Variants in RBFOX1 observed in about 807,000 individuals in gnomAD.
RBFOX1 encodes RNA binding protein fox-1 homolog 1.
A neutral mutation model predicts 57.7 loss-of-function variants in RBFOX1; 8 were observed. That is an observed-to-expected ratio of 0.14 (90% confidence interval 0.08 to 0.25). The LOEUF is 0.25. Among genes scored for constraint, RBFOX1 ranks in the 10% least tolerant of loss-of-function variants. The pLI, the probability that RBFOX1 is intolerant of heterozygous loss-of-function variation, is 1.00. For synonymous variants in RBFOX1, 326 were observed against 222.4 expected (o/e 1.47, Z -4.15); for missense variants, 611 against 548.5 (o/e 1.11, Z -1.14).
chr16:7,165,373 A>G (rs2079209857), intron 4 of RBFOX1, among the ~76,000 whole-genome samples: 1 of 95,056 alleles, frequency 1.1e-5, no homozygotes, highest in African/African-American at 4.0e-5. Flanking sequence ...AGAGGCCCAG[A>G]TCATAACTCT....
At chr16:5,297,170 A>C (rs2063690515) in intron 1 of RBFOX1, among the ~76,000 whole-genome samples, 1 of 152,172 alleles carries the variant, frequency 6.6e-6, no homozygotes, top group East Asian at 1.9e-4. Flanking sequence ...ATGGATACTT[A>C]GGTTGATGCC....
Position 6,393,493 on chromosome 16 carries a change from G to A in RBFOX1, c.-64+76436G>A, listed in dbSNP as rs950571478. On this transcript the variant is annotated intron_variant, in intron 2 of 15. Coordinates refer to ENST00000550418, the MANE Select transcript of RBFOX1 (RefSeq NM_018723.4). Reference sequence around the variant, plus strand: ...CTTTGCAAATTCTGATCCATGCATGGAACAGGAAATCTTTCTTAATATTTA... The same window carrying A: ...CTTTGCAAATTCTGATCCATGCATGAAACAGGAAATCTTTCTTAATATTTA... Among the ~76,000 whole-genome samples the A allele has an allele frequency of 2.0e-5, 3 of 152,252 alleles. No individual in the cohort carries two copies. In the South Asian group the frequency reaches 6.2e-4, roughly 32 times the overall value.
At chr16:5,426,881 C>T (rs1477247917) in intron 1 of RBFOX1, among the ~76,000 whole-genome samples, 1 of 152,192 alleles carries the variant, frequency 6.6e-6, no homozygotes, top group African/African-American at 2.4e-5. Context: ...CTGCAACCAT[C>T]CCTGCTTTAC....
At chr16:6,831,022 C>A (rs1340027332) in intron 3 of RBFOX1, among the ~76,000 whole-genome samples, 2 of 152,194 alleles carry the variant, frequency 1.3e-5, no homozygotes, top group Non-Finnish European at 2.9e-5. Context: ...CCATCTAAGC[C>A]TTTTCCCAAT....
At chr16:6,719,683 T>A (rs907010310) in intron 3 of RBFOX1, among the ~76,000 whole-genome samples, 1 of 151,978 alleles carries the variant, frequency 6.6e-6, no homozygotes, top group Non-Finnish European at 1.5e-5. Flanking sequence ...CCTGACCTTG[T>A]GATCCACCCA....
chr16:6,964,614 T>C (rs1568117613), intron 3 of RBFOX1, among the ~76,000 whole-genome samples: 2 of 152,136 alleles, frequency 1.3e-5, no homozygotes, highest in Non-Finnish European at 2.9e-5. Flanking sequence ...AATACTCCTC[T>C]AAAAAATAAC....
intron 4 of RBFOX1, among the ~76,000 whole-genome samples, chr16:7,256,387 C>T (rs1347543408): frequency 6.6e-6 from 1 of 152,186 alleles, no homozygotes; most frequent in Non-Finnish European, 1.5e-5. Flanking sequence ...TTTTCAATCT[C>T]TTTGAAAGAC....
chr16:5,516,008 GCC>G (rs2043778560), intron 2 of RBFOX1, among the ~76,000 whole-genome samples: 2 of 152,188 alleles, frequency 1.3e-5, no homozygotes, highest in African/African-American at 4.8e-5. Context: ...CAGGAGCTTA[GCC>G]ACAATATTGC....
At chr16:6,601,883 G>A (rs1302804662) in intron 2 of RBFOX1, among the ~76,000 whole-genome samples, 1 of 152,194 alleles carries the variant, frequency 6.6e-6, no homozygotes, top group African/African-American at 2.4e-5. Flanking sequence ...AGAGGGGTTA[G>A]AGTCACAGTT....
At chr16:6,675,891 G>T (rs778126076) in intron 3 of RBFOX1, among the ~76,000 whole-genome samples, 1 of 151,596 alleles carries the variant, frequency 6.6e-6, no homozygotes, top group Non-Finnish European at 1.5e-5. Flanking sequence ...TGAGGACCCA[G>T]TGAAACCATA....
intron 1 of RBFOX1, among the ~76,000 whole-genome samples, chr16:5,321,464 C>T (rs138476226): frequency 0.015 from 2,302 of 152,148 alleles, 53 homozygotes; most frequent in African/African-American, 0.053. Flanking sequence ...GGACTACAGG[C>T]GCCCACCACC....
chr16:5,702,738 G>C (rs958810130), intron 3 of RBFOX1, among the ~76,000 whole-genome samples: 1 of 152,162 alleles, frequency 6.6e-6, no homozygotes, highest in Non-Finnish European at 1.5e-5. Context: ...AAAACCTTTG[G>C]GGAATAGATT....
rs2094597965 is a variant in RBFOX1 at position 6,450,837 on chromosome 16, GTGTATATATATA to G, written c.-64+133782_-64+133793del. On this transcript the variant is annotated intron_variant, in intron 2 of 15. Coordinates refer to ENST00000550418, the MANE Select transcript of RBFOX1 (RefSeq NM_018723.4). ...TATATACATATATATATATATATAT[GTGTATATATATA>G]TATATATATATATATATATATATAT... 9.2e-4 allele frequency among the ~76,000 whole-genome samples: 20 copies of G among 21,714 alleles called. 2 individuals carry two copies. Among genetic ancestry groups the G allele is most frequent in the Non-Finnish European group, 1.1e-3 (13 of 11,490 alleles). The allele number at this position is 21,714 out of a possible 152,430, so 14.2% of individuals were successfully genotyped here.
chr16:7,440,513 G>C (rs2098757806), intron 4 of RBFOX1, among the ~76,000 whole-genome samples: 1 of 152,126 alleles, frequency 6.6e-6, no homozygotes. Flanking sequence ...GCCAGCATTA[G>C]GCGGCATTTG....
intron 9 of RBFOX1, among the ~76,000 whole-genome samples, chr16:7,599,006 C>A (rs1274921026): frequency 6.6e-6 from 1 of 152,204 alleles, no homozygotes; most frequent in Non-Finnish European, 1.5e-5. Flanking sequence ...TCAACAGGGA[C>A]ATACCGTCTA....
At position 5,494,203 on chromosome 16, in the gene RBFOX1, C is replaced by T. The variant is rs144768200; in HGVS notation, c.258+26949C>T. ...TAATATGCCTTCTTCCCAGACAGTT[C>T]TATGATGTCTCCTTGGCGGATGCTA... On this transcript the variant is annotated intron_variant, in intron 2 of 2. Transcript: ENST00000585867. Among the ~76,000 whole-genome samples, 62 of 152,312 alleles carry T rather than the reference C, an allele frequency of 4.1e-4. 2 individuals are homozygous for T. The highest frequency in any genetic ancestry group is 8.3e-4 in the South Asian group (4 of 4,828).
At chr16:7,089,830 C>G (rs994651085) in intron 4 of RBFOX1, among the ~76,000 whole-genome samples, 3 of 152,018 alleles carry the variant, frequency 2.0e-5, no homozygotes, top group African/African-American at 7.2e-5. Flanking sequence ...CTGCATTTAT[C>G]ACATTGAAAA....
At chr16:6,709,603 A>G (rs1041969674) in intron 3 of RBFOX1, among the ~76,000 whole-genome samples, 2 of 152,186 alleles carry the variant, frequency 1.3e-5, no homozygotes, top group Admixed American at 1.3e-4. Flanking sequence ...CATTTACATG[A>G]ATCTCCCATA....
Position 6,487,108 on chromosome 16 carries a change from T to A in RBFOX1, c.-63-167495T>A, listed in dbSNP as rs184037975. Among the ~76,000 whole-genome samples the A allele has an allele frequency of 2.5e-3, 383 of 151,914 alleles. 2 individuals carry two copies. The highest frequency in any genetic ancestry group is 3.8e-3 in the Admixed American group (58 of 15,260). On this transcript the variant is annotated intron_variant, in intron 2 of 15. Coordinates refer to ENST00000550418, the MANE Select transcript of RBFOX1 (RefSeq NM_018723.4). ...TTTATTAAGCTAAATAAAGTTTCTA[T>A]GAAAAGTTGTGGGGTTTCAGTAAGT...
Sources: allele counts gnomAD v4.1 joint callset (sites outside exome capture counted in the v4.1 genomes callset), GRCh38; gene constraint gnomAD v4.1.1; transcripts MANE v1.5; gene names NCBI Gene and HGNC (gene_info 2026-07-23, HGNC 2026-07-21).